Variants in PPP3CA observed in about 807,000 individuals in gnomAD.
The protein encoded by PPP3CA is CAM-PRP catalytic subunit.
In PPP3CA, 14 loss-of-function variants were observed where a neutral mutation model predicts 66.5. The observed-to-expected ratio is 0.21, with a 90% CI of 0.14 to 0.33. The LOEUF (loss-of-function observed/expected upper bound fraction) is 0.33, where lower values mean the gene tolerates loss of function less well. Among genes scored for constraint, PPP3CA ranks in the 10% least tolerant of loss-of-function variants. PPP3CA has a pLI of 1.00. For synonymous variants in PPP3CA, 232 were observed against 226.2 expected, an observed-to-expected ratio of 1.03 and a Z score of -0.23; for missense variants, 317 against 639.5, an observed-to-expected ratio of 0.50 and a Z score of 5.44.
intron 1 of PPP3CA, chr4:101,330,344 T>C (rs28664200): frequency 0.32 from 156,427 of 483,962 alleles, 27,126 homozygotes; most frequent in East Asian, 0.5. Context: ...GCAAAGAAGA[T>C]AGTTTCTTTA....
intron 1 of PPP3CA, among the ~76,000 whole-genome samples, chr4:101,265,594 C>G (rs1447654334): frequency 6.6e-6 from 1 of 152,148 alleles, no homozygotes; most frequent in East Asian, 1.9e-4. Context: ...TGAATAAATA[C>G]AAACAGTGAG....
chr4:101,029,154 T>C lies in PPP3CA; in HGVS notation c.1369+12A>G. On this transcript the variant is annotated intron_variant, in intron 13 of 13. Transcript: ENST00000394854. ...GTTGCAGGTACAACAGAAAGGGGAC[T>C]GGCCAATTTACCTTCATCAGCCTCA... 1 of 1,596,210 alleles carries C rather than the reference T, an allele frequency of 6.3e-7. No individual in the cohort carries two copies. The highest frequency in any genetic ancestry group is 8.6e-7 in the Non-Finnish European group (1 of 1,163,972).
chr4:101,248,987 C>T (rs535858548), intron 1 of PPP3CA, among the ~76,000 whole-genome samples: 4 of 151,084 alleles, frequency 2.6e-5, no homozygotes, highest in African/African-American at 4.9e-5. Context: ...GGTGAAACCC[C>T]GTCTCTACTA....
chr4:101,292,554 T>C (rs908080457), intron 1 of PPP3CA, among the ~76,000 whole-genome samples: 12 of 152,208 alleles, frequency 7.9e-5, no homozygotes, highest in African/African-American at 2.9e-4. Flanking sequence ...AAATAATTAC[T>C]TTAGAGCTCT....
At chr4:101,346,146 C>T (rs916007955) in intron 1 of PPP3CA, among the ~76,000 whole-genome samples, 11 of 151,726 alleles carry the variant, frequency 7.2e-5, no homozygotes, top group Non-Finnish European at 1.5e-4. Flanking sequence ...TCCCCCCACG[C>T]TCTCCCGCTC....
At chr4:101,306,624 T>TTCTG (rs1330975368) in intron 1 of PPP3CA, among the ~76,000 whole-genome samples, 3 of 152,112 alleles carry the variant, frequency 2.0e-5, no homozygotes, top group African/African-American at 7.2e-5. Context: ...AAGACTCGTA[T>TTCTG]TCTGACTTGG....
intron 2 of PPP3CA, among the ~76,000 whole-genome samples, chr4:101,116,872 T>C (rs2659545): frequency 0.2 from 30,383 of 151,750 alleles, 4,421 homozygotes; most frequent in African/African-American, 0.41. Flanking sequence ...AACCAGGTCA[T>C]TCTGGTTTGA....
chr4:101,336,599 A>G (rs527537192), intron 1 of PPP3CA, among the ~76,000 whole-genome samples: 1 of 151,358 alleles, frequency 6.6e-6, no homozygotes, highest in South Asian at 2.1e-4. Context: ...AAAAAAAAAG[A>G]AAGCTGTTTT....
At chr4:101,230,700 G>A (rs1725932849) in intron 1 of PPP3CA, among the ~76,000 whole-genome samples, 1 of 151,594 alleles carries the variant, frequency 6.6e-6, no homozygotes, top group Non-Finnish European at 1.5e-5. Context: ...AGGTCACTGT[G>A]TCTTCCTTCT....
At position 101,204,699 on chromosome 4, in the gene PPP3CA, C is replaced by A. The variant is rs150763261; in HGVS notation, c.59-8583G>T. On this transcript the variant is annotated intron_variant, in intron 1 of 13. Transcript: ENST00000394854. ...TCCAGTGATTGACACATGGACAATG[C>A]CAATCACAAATTATTGCATACATGG... Among the ~76,000 whole-genome samples the A allele has an allele frequency of 1.3e-4, 20 of 150,056 alleles. 1 individual carries two copies. The East Asian group carries it at 3.9e-3, about 29-fold the overall frequency.
chr4:101,250,741 T>G (rs2110244185), intron 1 of PPP3CA, among the ~76,000 whole-genome samples: 2 of 152,258 alleles, frequency 1.3e-5, no homozygotes, highest in Middle Eastern at 6.8e-3. Flanking sequence ...TAGCCTCAAT[T>G]TTTTTCTTCC....
intron 1 of PPP3CA, among the ~76,000 whole-genome samples, chr4:101,271,320 A>G (rs749528312): frequency 6.6e-6 from 1 of 152,138 alleles, no homozygotes; most frequent in Non-Finnish European, 1.5e-5. Flanking sequence ...CGATTCAACC[A>G]ATAAGAACTG....
At chr4:101,227,020 T>A (rs1001863385) in intron 1 of PPP3CA, among the ~76,000 whole-genome samples, 2 of 151,766 alleles carry the variant, frequency 1.3e-5, no homozygotes, top group Non-Finnish European at 2.9e-5. Flanking sequence ...CTACTTTAAA[T>A]AAGCATTCCA....
chr4:101,227,425 G>C (rs997073308), intron 1 of PPP3CA, among the ~76,000 whole-genome samples: 1 of 151,586 alleles, frequency 6.6e-6, no homozygotes, highest in Non-Finnish European at 1.5e-5. Flanking sequence ...TATACTACAG[G>C]AGTTGAAAAG....
At chr4:101,060,676 T>C (rs59156733) in intron 10 of PPP3CA, among the ~76,000 whole-genome samples, 3,706 of 152,226 alleles carry the variant, frequency 0.024, 161 homozygotes, top group South Asian at 0.11. Context: ...TTTTTCATCA[T>C]AAACATCAAA....
chr4:101,127,981 T>G (rs766464801), intron 2 of PPP3CA, among the ~76,000 whole-genome samples: 3 of 152,180 alleles, frequency 2.0e-5, no homozygotes, highest in Non-Finnish European at 4.4e-5. Context: ...CTGTGCTCTA[T>G]ACAGGATCCT....
chr4:101,336,986 T>A (rs534539454), intron 1 of PPP3CA, among the ~76,000 whole-genome samples: 1 of 152,110 alleles, frequency 6.6e-6, no homozygotes, highest in African/African-American at 2.4e-5. Flanking sequence ...CCAATCCTTC[T>A]CCCCAGCAAA....
At chr4:101,130,057 T>C (rs1233853441) in intron 2 of PPP3CA, among the ~76,000 whole-genome samples, 2 of 151,888 alleles carry the variant, frequency 1.3e-5, no homozygotes, top group Non-Finnish European at 2.9e-5. Context: ...AGAACATAAA[T>C]GACCTGATGG....
intron 1 of PPP3CA, among the ~76,000 whole-genome samples, chr4:101,341,796 A>C (rs1404711481): frequency 1.3e-5 from 2 of 152,188 alleles, no homozygotes; most frequent in Non-Finnish European, 2.9e-5. Context: ...AGTTGCTGGA[A>C]AAAAATTGAC....
Sources: allele counts gnomAD v4.1 joint callset (sites outside exome capture counted in the v4.1 genomes callset), GRCh38; gene constraint gnomAD v4.1.1; transcripts MANE v1.5; gene names NCBI Gene and HGNC (gene_info 2026-07-23, HGNC 2026-07-21).